HS3ST4: variants seen among roughly 807,000 people sequenced by gnomAD.
HS3ST4 encodes the protein heparan sulfate-glucosamine 3-sulfotransferase 4.
Under a neutral mutation model 29.2 loss-of-function variants are expected in HS3ST4, and 17 were observed. The ratio of observed to expected loss-of-function variants is 0.58; its 90% CI spans 0.40 to 0.87. HS3ST4 has a LOEUF of 0.87. Among genes scored for constraint, HS3ST4 ranks in the 40% least tolerant of loss-of-function variants. The pLI, the probability that HS3ST4 is intolerant of heterozygous loss-of-function variation, is 0.00. For missense variants in HS3ST4, 627 were observed against 634.5 expected, an observed-to-expected ratio of 0.99 and a Z score of 0.13; for synonymous variants, 314 against 285.7, an observed-to-expected ratio of 1.10 and a Z score of -1.00.
chr16:26,106,431 G>A (rs1899058018), intron 1 of HS3ST4, among the ~76,000 whole-genome samples: 1 of 152,148 alleles, frequency 6.6e-6, no homozygotes, highest in Non-Finnish European at 1.5e-5. Flanking sequence ...GAGATATTTT[G>A]TATACATGTT....
chr16:25,816,581 G>A (rs1307831382), intron 1 of HS3ST4, among the ~76,000 whole-genome samples: 1 of 152,156 alleles, frequency 6.6e-6, no homozygotes, highest in East Asian at 1.9e-4. Flanking sequence ...GAACATAAAC[G>A]GAATCAGAAC....
chr16:26,042,996 C>T (rs1969648852), intron 1 of HS3ST4, among the ~76,000 whole-genome samples: 1 of 152,170 alleles, frequency 6.6e-6, no homozygotes, highest in Admixed American at 6.5e-5. Flanking sequence ...CCCAATTTCA[C>T]TCAGCTATCA....
intron 1 of HS3ST4, among the ~76,000 whole-genome samples, chr16:25,909,142 T>G (rs554000039): frequency 6.6e-6 from 1 of 152,318 alleles, no homozygotes; most frequent in East Asian, 1.9e-4. Flanking sequence ...AAATGCATGT[T>G]CTGATTTTGT....
At chr16:25,856,212 TAA>T (rs1400581326) in intron 1 of HS3ST4, among the ~76,000 whole-genome samples, 1 of 152,144 alleles carries the variant, frequency 6.6e-6, no homozygotes, top group Non-Finnish European at 1.5e-5. Flanking sequence ...ACAGAACTCC[TAA>T]AACCTTTGGA....
At chr16:25,885,057 A>AATAAAAAATGACAAGCATAACCATTTCG (rs2141665880) in intron 1 of HS3ST4, among the ~76,000 whole-genome samples, 1 of 152,092 alleles carries the variant, frequency 6.6e-6, no homozygotes, top group East Asian at 1.9e-4. Flanking sequence ...TAACCATTTC[A>AATAAAAAATGACAAGCATAACCATTTCG]GAATAAAAAA....
chr16:25,764,927 T>A (rs1966808389), intron 1 of HS3ST4, among the ~76,000 whole-genome samples: 1 of 152,232 alleles, frequency 6.6e-6, no homozygotes, highest in Non-Finnish European at 1.5e-5. Context: ...GGCAAGAGGC[T>A]ACCTTCTGAT....
At chr16:25,959,999 G>A (rs1267483576) in intron 1 of HS3ST4, among the ~76,000 whole-genome samples, 2 of 152,144 alleles carry the variant, frequency 1.3e-5, no homozygotes, top group Non-Finnish European at 2.9e-5. Context: ...AGTGGAGCAT[G>A]GTGTTGGGTG....
At position 25,714,095 on chromosome 16, in the gene HS3ST4, A is replaced by G. The variant is rs79041024; in HGVS notation, c.734+20944A>G. Among the ~76,000 whole-genome samples the G allele has an allele frequency of 1.9e-4, 29 of 152,284 alleles. No individual in the cohort carries two copies. The East Asian group carries it at 3.3e-3, about 17-fold the overall frequency. On this transcript the variant is annotated intron_variant, in intron 1 of 1. Coordinates refer to ENST00000331351, the MANE Select transcript of HS3ST4 (RefSeq NM_006040.3). ...CTGTACTAATCCATTACAAGATGCT[A>G]TTCAGGTTTAACTGTTAGAGGCCAA...
At chr16:25,986,577 T>A (rs1411811860) in intron 1 of HS3ST4, among the ~76,000 whole-genome samples, 1 of 152,246 alleles carries the variant, frequency 6.6e-6, no homozygotes, top group African/African-American at 2.4e-5. Context: ...GACTTTGCAC[T>A]GCTGTTTATG....
intron 1 of HS3ST4, among the ~76,000 whole-genome samples, chr16:25,842,980 T>C (rs1009038489): frequency 1.1e-4 from 16 of 152,162 alleles, no homozygotes. Context: ...ACATAAGTTA[T>C]TTACTAAGTT....
Position 26,017,081 on chromosome 16 carries a change from C to T in HS3ST4, c.735-118531C>T, listed in dbSNP as rs183158360. Among the ~76,000 whole-genome samples, 9 of 152,252 alleles carry T rather than the reference C, an allele frequency of 5.9e-5. No homozygotes were observed. The East Asian group carries it at 7.7e-4, about 13-fold the overall frequency. On this transcript the variant is annotated intron_variant, in intron 1 of 1. Transcript: ENST00000331351. ...GCCAACCAAGAGTGGACATGTGGCA[C>T]GAACAATAAACAAACACTTGCATTC...
At chr16:25,926,300 CT>C (rs796552394) in intron 1 of HS3ST4, among the ~76,000 whole-genome samples, 38 of 152,336 alleles carry the variant, frequency 2.5e-4, no homozygotes, top group African/African-American at 8.7e-4. Context: ...GGGACTCCCC[CT>C]GGCAGTAATT....
intron 1 of HS3ST4, among the ~76,000 whole-genome samples, chr16:25,859,423 G>A (rs968829219): frequency 6.6e-6 from 1 of 152,158 alleles, no homozygotes; most frequent in African/African-American, 2.4e-5. Flanking sequence ...CCTAATAAGT[G>A]CAGGGCCAGA....
chr16:26,127,373 G>A (rs1899358877), intron 1 of HS3ST4, among the ~76,000 whole-genome samples: 1 of 152,222 alleles, frequency 6.6e-6, no homozygotes, highest in African/African-American at 2.4e-5. Context: ...AGGACTTTGG[G>A]AGGCCAAGGC....
At chr16:25,809,527 T>G (rs989516212) in intron 1 of HS3ST4, among the ~76,000 whole-genome samples, 1 of 152,150 alleles carries the variant, frequency 6.6e-6, no homozygotes, top group Non-Finnish European at 1.5e-5. Flanking sequence ...AATAAAATGG[T>G]TTGAAAGTGG....
chr16:26,035,859 A>G (rs954735200), intron 1 of HS3ST4, among the ~76,000 whole-genome samples: 1 of 152,218 alleles, frequency 6.6e-6, no homozygotes, highest in African/African-American at 2.4e-5. Context: ...GATAAAGATG[A>G]CACCTTGGAG....
chr16:25,741,554 A>G (rs1966653472), intron 1 of HS3ST4, among the ~76,000 whole-genome samples: 1 of 152,128 alleles, frequency 6.6e-6, no homozygotes, highest in Non-Finnish European at 1.5e-5. Flanking sequence ...GATGATAATA[A>G]TGAATACTTT....
At chr16:25,832,263 C>T (rs1967311636) in intron 1 of HS3ST4, among the ~76,000 whole-genome samples, 1 of 152,138 alleles carries the variant, frequency 6.6e-6, no homozygotes, top group East Asian at 1.9e-4. Flanking sequence ...AAATTTATGG[C>T]TGCCAGTCCT....
chr16:25,757,638 G>A (rs200908562), intron 1 of HS3ST4, among the ~76,000 whole-genome samples: 275 of 150,968 alleles, frequency 1.8e-3, no homozygotes, highest in Admixed American at 2.5e-3. Context: ...GTGTCCTCCC[G>A]TCATGCCCTG....
Sources: gnomAD v4.1 joint callset for allele counts (sites outside exome capture counted in the v4.1 genomes callset) on GRCh38, gnomAD v4.1.1 for gene constraint, MANE v1.5 for transcripts, NCBI Gene and HGNC (gene_info 2026-07-23, HGNC 2026-07-21) for gene names.